Variants in PCDHA13 observed in about 807,000 individuals in gnomAD.
The protein encoded by PCDHA13 is protocadherin alpha 13, also known as protocadherin alpha-13.
Under a neutral mutation model 64.8 loss-of-function variants are expected in PCDHA13, and 54 were observed. The observed-to-expected ratio is 0.83, with a 90% confidence interval of 0.67 to 1.04. PCDHA13 has a LOEUF of 1.04. PCDHA13 is among the 50% of genes least tolerant of loss of function. The probability of loss-of-function intolerance (pLI) is 0.00; values close to 1 mark genes in which losing one functional copy is unlikely to be tolerated. For missense variants in PCDHA13, 1,248 were observed against 1,254.3 expected (o/e 0.99, Z 0.08); for synonymous variants, 587 against 564.4 (o/e 1.04, Z -0.57).
chr5:140,927,191 T>TG, intron 1 of PCDHA13: 1 of 1,614,144 alleles, frequency 6.2e-7, no homozygotes, highest in East Asian at 2.2e-5. Flanking sequence ...TACGACCTGG[T>TG]GCTCGAGGAC....
chr5:140,964,930 G>A (rs1480159584), intron 1 of PCDHA13, among the ~76,000 whole-genome samples: 12 of 152,306 alleles, frequency 7.9e-5, no homozygotes, highest in Middle Eastern at 3.4e-3. Flanking sequence ...CTAGGTAGTG[G>A]AGCATTGATA....
intron 3 of PCDHA13, among the ~76,000 whole-genome samples, chr5:140,996,144 T>C (rs2097714056): frequency 6.6e-6 from 1 of 152,210 alleles, no homozygotes; most frequent in African/African-American, 2.4e-5. Context: ...TCCCATTATC[T>C]TGCCTTCCTT....
intron 1 of PCDHA13, among the ~76,000 whole-genome samples, chr5:140,934,797 T>A (rs1045887352): frequency 6.6e-6 from 1 of 152,236 alleles, no homozygotes; most frequent in African/African-American, 2.4e-5. Context: ...CAATTATCTT[T>A]TTAATGATCA....
At chr5:140,990,542 C>T (rs2097399330) in intron 3 of PCDHA13, among the ~76,000 whole-genome samples, 1 of 152,180 alleles carries the variant, frequency 6.6e-6, no homozygotes, top group South Asian at 2.1e-4. Context: ...ATCATAGATA[C>T]TGTATTACCC....
chr5:140,921,471 A>G (rs2080231314), intron 1 of PCDHA13, among the ~76,000 whole-genome samples: 1 of 152,182 alleles, frequency 6.6e-6, no homozygotes, highest in Non-Finnish European at 1.5e-5. Context: ...ACCACTACCA[A>G]ACCACTCTAC....
chr5:140,904,162 A>G (rs1554191325), intron 1 of PCDHA13, among the ~76,000 whole-genome samples: 1 of 152,028 alleles, frequency 6.6e-6, no homozygotes, highest in Non-Finnish European at 1.5e-5. Context: ...CCCAGTTTGT[A>G]GTCTTTTATT....
chr5:140,983,807 G>T (rs1158459034), intron 3 of PCDHA13, among the ~76,000 whole-genome samples: 1 of 152,100 alleles, frequency 6.6e-6, no homozygotes, highest in African/African-American at 2.4e-5. Context: ...TGTGTAAAAG[G>T]TTTTTTCCCA....
At chr5:141,001,975 G>C (rs900969211) in intron 3 of PCDHA13, among the ~76,000 whole-genome samples, 8 of 152,184 alleles carry the variant, frequency 5.3e-5, no homozygotes, top group African/African-American at 1.9e-4. Flanking sequence ...GTCTCTGCGC[G>C]GAAAGCCTGG....
chr5:140,905,722 T>A (rs1326323051), intron 1 of PCDHA13, among the ~76,000 whole-genome samples: 1 of 152,206 alleles, frequency 6.6e-6, no homozygotes, highest in Non-Finnish European at 1.5e-5. Context: ...AGCAGTGTTT[T>A]GTAGTTTTCC....
chr5:140,954,523 G>A (rs1368260807), intron 1 of PCDHA13, among the ~76,000 whole-genome samples: 4 of 152,186 alleles, frequency 2.6e-5, no homozygotes, highest in African/African-American at 9.6e-5. Flanking sequence ...AATGATCAGT[G>A]ATGTTGAGGT....
chr5:140,966,061 C>T (rs2095963591), intron 1 of PCDHA13, among the ~76,000 whole-genome samples: 1 of 152,222 alleles, frequency 6.6e-6, no homozygotes, highest in Non-Finnish European at 1.5e-5. Flanking sequence ...CCCAGAGCGC[C>T]TCCCCCTGCG....
intron 1 of PCDHA13, among the ~76,000 whole-genome samples, chr5:140,951,019 G>A (rs555662052): frequency 2.0e-5 from 3 of 152,114 alleles, no homozygotes; most frequent in African/African-American, 7.2e-5. Context: ...ATCAGGCAGT[G>A]AGTTTTAATT....
intron 1 of PCDHA13, among the ~76,000 whole-genome samples, chr5:140,937,761 A>C (rs868923892): frequency 6.6e-6 from 1 of 151,650 alleles, no homozygotes; most frequent in Non-Finnish European, 1.5e-5. Flanking sequence ...AAATACAAAA[A>C]ATTAGTCGGG....
intron 1 of PCDHA13, among the ~76,000 whole-genome samples, chr5:140,904,548 A>T (rs1280388333): frequency 1.3e-5 from 2 of 152,050 alleles, no homozygotes; most frequent in Admixed American, 1.3e-4. Flanking sequence ...TCTTTTTCAT[A>T]TAATGACTTT....
chr5:140,993,811 G>A (rs1554253953), intron 3 of PCDHA13, among the ~76,000 whole-genome samples: 3 of 152,154 alleles, frequency 2.0e-5, no homozygotes, highest in African/African-American at 2.4e-5. Flanking sequence ...TGTAGCCTAG[G>A]AGCAATAGGC....
chr5:140,882,998 C>T lies in PCDHA13; in HGVS notation c.730C>T (p.Gln244Ter). Residue 244 changes from glutamine (Q) to a stop codon, truncating the protein, a stop_gained, in exon 1 of 4, where the codon CAA becomes TAA. Transcript: ENST00000289272. LOFTEE classifies it high-confidence loss of function. Reference sequence around the variant, plus strand: ...GAATGACAACGCCCCGGAATTTTACCAATCCGTTTATAAAGTGACGGTGTT... The same window carrying T: ...GAATGACAACGCCCCGGAATTTTACTAATCCGTTTATAAAGTGACGGTGTT... The part of the protein sequence containing the change: ...DVNDNAPEFY[Q>*]SVYKVTVLEN... 1 of 1,614,066 alleles carries T rather than the reference C, an allele frequency of 6.2e-7. No individual in the cohort carries two copies.
At chr5:140,911,066 A>C (rs1166409987) in intron 1 of PCDHA13, among the ~76,000 whole-genome samples, 1 of 152,042 alleles carries the variant, frequency 6.6e-6, no homozygotes, top group Non-Finnish European at 1.5e-5. Flanking sequence ...GTGGGTCCTG[A>C]GGAGAATCAA....
intron 3 of PCDHA13, among the ~76,000 whole-genome samples, chr5:141,007,932 A>T (rs150576416): frequency 3.9e-5 from 6 of 152,336 alleles, no homozygotes; most frequent in Non-Finnish European, 7.3e-5. Context: ...CTGGAATTCT[A>T]AGCCACCTTT....
At chr5:140,914,030 G>T (rs2076568173) in intron 1 of PCDHA13, among the ~76,000 whole-genome samples, 1 of 152,298 alleles carries the variant, frequency 6.6e-6, no homozygotes, top group East Asian at 1.9e-4. Flanking sequence ...CACGTGCTGA[G>T]AAGAATGTGT....
Sources: gnomAD v4.1 joint callset for allele counts (sites outside exome capture counted in the v4.1 genomes callset) on GRCh38, gnomAD v4.1.1 for gene constraint, MANE v1.5 for transcripts, NCBI Gene and HGNC (gene_info 2026-07-23, HGNC 2026-07-21) for gene names.